GLI2: variants seen among roughly 807,000 people sequenced by gnomAD.
The protein encoded by GLI2 is GLI family zinc finger 2.
GLI2 carries 22 observed loss-of-function variants against 78.9 expected under a neutral mutation model. The ratio of observed to expected loss-of-function variants is 0.28; its 90% CI spans 0.20 to 0.40. The LOEUF is 0.40. Among genes scored for constraint, GLI2 ranks in the 10% least tolerant of loss-of-function variants. The probability of loss-of-function intolerance (pLI) is 1.00; values close to 1 mark genes in which losing one functional copy is unlikely to be tolerated. For missense variants in GLI2, 2,097 were observed against 2,213.2 expected (o/e 0.95, Z 1.05); for synonymous variants, 974 against 963.7 (o/e 1.01, Z -0.20).
rs1272759660 is a variant in GLI2 at position 120,988,708 on chromosome 2, C to T, written c.2743C>T (p.Pro915Ser). The change falls in exon 14 of 14, where the codon CCA becomes TCA. Residue 915 changes from proline (P) to serine (S), a missense_variant. Around this residue, in one of 5 missense-constraint regions of GLI2, gnomAD observed 1,290 missense variants for 1,261.7 expected, o/e 1.02. Transcript: ENST00000361492. ...CGAGCGCACGCTGCCCGCCGGCTGC[C>T]CACGCCCACTGGGGCCGCGGCGTGG... ...APERTLPAGC[P>S]RPLGPRRGSD... is the part of the protein sequence containing the mutation. 8.2e-6 allele frequency: 10 copies of T among 1,225,366 alleles called. No individual in the cohort carries two copies. Among genetic ancestry groups the T allele is most frequent in the Admixed American group, 4.4e-5 (1 of 22,558 alleles). 75.9% of individuals were successfully genotyped at this position (1,225,366 alleles called of 1,614,324 possible).
chr2:120,931,468 G>A (rs888778120), intron 3 of GLI2, among the ~76,000 whole-genome samples: 1 of 152,198 alleles, frequency 6.6e-6, no homozygotes, highest in Non-Finnish European at 1.5e-5. Flanking sequence ...AGTCCCGTTT[G>A]CTGTAGAAGG....
chr2:120,975,106 G>A lies in GLI2; in HGVS notation c.1314G>A (p.Val438=). 6.2e-7 allele frequency: 1 copy of A among 1,613,844 alleles called. No individual in the cohort carries two copies. The highest frequency in any genetic ancestry group is 8.5e-7 in the Non-Finnish European group (1 of 1,180,004). ...AGTACGACACCCAGGAGCAGCTGGT[G>A]CATGTAAGCTTTTGAACCCCAGCAG... ...TKEYDTQEQL[V]HHINNEHIHG... The change falls in exon 9 of 14, where the codon GTG becomes GTA. Residue 438 remains valine, a synonymous_variant. Coordinates refer to ENST00000361492, the MANE Select transcript of GLI2 (RefSeq NM_001374353.1).
chr2:120,803,971 C>T (rs183980518), intron 2 of GLI2, among the ~76,000 whole-genome samples: 1 of 152,198 alleles, frequency 6.6e-6, no homozygotes, highest in Admixed American at 6.5e-5. Context: ...AAGCACTAGA[C>T]GACTTTCAGC....
chr2:120,874,880 C>T (rs1278404517), intron 2 of GLI2, among the ~76,000 whole-genome samples: 1 of 152,204 alleles, frequency 6.6e-6, no homozygotes, highest in Non-Finnish European at 1.5e-5. Flanking sequence ...GTCTGCCCTG[C>T]AGGTGACTTG....
chr2:120,792,610 A>G (rs1478066340), intron 1 of GLI2, among the ~76,000 whole-genome samples: 1 of 152,118 alleles, frequency 6.6e-6, no homozygotes, highest in Non-Finnish European at 1.5e-5. Flanking sequence ...CTTTAACTGG[A>G]ACTTGTAGAT....
chr2:120,743,411 C>T (rs1682609740), intron 1 of GLI2, among the ~76,000 whole-genome samples: 1 of 151,928 alleles, frequency 6.6e-6, no homozygotes, highest in South Asian at 2.1e-4. Context: ...CGAGGCCAGC[C>T]TGGGCAACAT....
intron 2 of GLI2, among the ~76,000 whole-genome samples, chr2:120,864,237 C>A (rs1688026598): frequency 6.6e-6 from 1 of 152,228 alleles, no homozygotes; most frequent in Non-Finnish European, 1.5e-5. Flanking sequence ...GAGACACTGT[C>A]CCCTGGGACA....
chr2:120,975,174 CCTT>C (rs1682395824), intron 9 of GLI2, 65 bp downstream of exon 9: 2 of 1,497,370 alleles, frequency 1.3e-6, no homozygotes, highest in African/African-American at 2.8e-5. Flanking sequence ...GGATGCTGAG[CCTT>C]CCAGGGCCTC....
rs878874452 is a variant in GLI2 at position 120,982,986 on chromosome 2, G to A, written c.1632+106G>A. 29 of 1,035,394 alleles carry A rather than the reference G, an allele frequency of 2.8e-5. No homozygotes were observed. In the East Asian group the frequency reaches 3.3e-4, roughly 12 times the overall value. The allele number at this position is 1,035,394 out of a possible 1,614,324, so 64.1% of individuals were successfully genotyped here. ...TAGATAGCCAGGTGCCCCATGTCCC[G>A]CCCCCGCCACTGACCAGCTATACAT... On this transcript the variant is annotated intron_variant, in intron 11 of 13. Transcript: ENST00000361492.
intron 2 of GLI2, among the ~76,000 whole-genome samples, chr2:120,896,223 A>C (rs1215766281): frequency 2.5e-4 from 35 of 138,684 alleles, no homozygotes; most frequent in South Asian, 4.6e-4. Context: ...TCTTTCCCCC[A>C]CCCTCTCTCC....
intron 1 of GLI2, among the ~76,000 whole-genome samples, chr2:120,756,650 T>C (rs1261737147): frequency 1.3e-5 from 2 of 152,204 alleles, no homozygotes; most frequent in Non-Finnish European, 2.9e-5. Context: ...AACAGTTCTT[T>C]AAAATTTCTT....
At chr2:120,762,526 G>T (rs1341029456) in intron 1 of GLI2, among the ~76,000 whole-genome samples, 1 of 152,188 alleles carries the variant, frequency 6.6e-6, no homozygotes, top group Admixed American at 6.5e-5. Context: ...GAAGGGGCAG[G>T]TCCCAGGAAG....
intron 1 of GLI2, among the ~76,000 whole-genome samples, chr2:120,768,391 G>C (rs914777612): frequency 2.6e-5 from 4 of 152,252 alleles, no homozygotes; most frequent in African/African-American, 9.6e-5. Flanking sequence ...GTGGGCTACT[G>C]TGGGTGGGCC....
At chr2:120,925,280 T>C (rs1391612631) in intron 2 of GLI2, among the ~76,000 whole-genome samples, 1 of 152,250 alleles carries the variant, frequency 6.6e-6, no homozygotes, top group Non-Finnish European at 1.5e-5. Flanking sequence ...ATTTGCTTTT[T>C]GTTTTTCCTG....
intron 2 of GLI2, among the ~76,000 whole-genome samples, chr2:120,869,958 T>C (rs1688345519): frequency 6.6e-6 from 1 of 152,196 alleles, no homozygotes; most frequent in Admixed American, 6.5e-5. Flanking sequence ...AGGTTTAGTG[T>C]TCTGTTTCTC....
chr2:120,812,068 G>A (rs146883656), intron 2 of GLI2, among the ~76,000 whole-genome samples: 5 of 152,202 alleles, frequency 3.3e-5, no homozygotes, highest in Non-Finnish European at 5.9e-5. Context: ...AGAGATGGGG[G>A]ATCGGCGGCC....
intron 3 of GLI2, among the ~76,000 whole-genome samples, chr2:120,946,447 A>T (rs1415667122): frequency 1.3e-5 from 2 of 152,162 alleles, no homozygotes; most frequent in Non-Finnish European, 2.9e-5. Context: ...TCTGTGATGT[A>T]GGAGACTGTG....
At chr2:120,808,759 G>A (rs1184004375) in intron 2 of GLI2, among the ~76,000 whole-genome samples, 1 of 152,220 alleles carries the variant, frequency 6.6e-6, no homozygotes, top group Non-Finnish European at 1.5e-5. Context: ...TGAAATGGGG[G>A]TGACAAGGCT....
chr2:120,806,199 C>T (rs1684942330), intron 2 of GLI2, among the ~76,000 whole-genome samples: 1 of 152,098 alleles, frequency 6.6e-6, no homozygotes, highest in African/African-American at 2.4e-5. Context: ...GGCCAGGTCT[C>T]ACCGCCTCTG....
Sources: allele counts gnomAD v4.1 joint callset (sites outside exome capture counted in the v4.1 genomes callset), GRCh38; gene constraint gnomAD v4.1.1; regional missense constraint gnomAD v4.1.1; transcripts MANE v1.5; gene names NCBI Gene and HGNC (gene_info 2026-07-23, HGNC 2026-07-21).